AGMO: variants seen among roughly 807,000 people sequenced by gnomAD.
The protein encoded by AGMO is alkylglycerol monooxygenase.
AGMO carries 75 observed loss-of-function variants against 60.2 expected under a neutral mutation model. The observed-to-expected ratio is 1.25, with a 90% CI of 1.03 to 1.51. The LOEUF is 1.51. Among genes scored for constraint, AGMO ranks in the 40% most tolerant of loss-of-function variants. The pLI is 0.00. For synonymous variants in AGMO, 261 were observed against 177.1 expected, an observed-to-expected ratio of 1.47 and a Z score of -3.76; for missense variants, 763 against 525.5, an observed-to-expected ratio of 1.45 and a Z score of -4.42.
chr7:15,153,728 T>C, the AGMO span, among the ~76,000 whole-genome samples: 3 of 152,200 alleles, frequency 2.0e-5, no homozygotes, highest in African/African-American at 4.8e-5. Context: ...CATGCTGTTT[T>C]GGTGACTATG....
chr7:15,437,280 T>C (rs1396197643), intron 3 of AGMO, among the ~76,000 whole-genome samples: 1 of 152,206 alleles, frequency 6.6e-6, no homozygotes, highest in Non-Finnish European at 1.5e-5. Flanking sequence ...TTGGTGATGA[T>C]AAAAATAAAT....
chr7:15,249,306 G>A (rs762439798), intron 12 of AGMO, among the ~76,000 whole-genome samples: 1 of 152,108 alleles, frequency 6.6e-6, no homozygotes, highest in African/African-American at 2.4e-5. Context: ...GTAGCTGACA[G>A]AATATAGCCT....
At chr7:15,148,039 T>G in the AGMO span, among the ~76,000 whole-genome samples, 9 of 152,268 alleles carry the variant, frequency 5.9e-5, no homozygotes, top group East Asian at 1.7e-3. Flanking sequence ...AGTGGTAAAG[T>G]GTATTAGAAG....
At chr7:15,331,818 C>G (rs1404898554) in intron 12 of AGMO, among the ~76,000 whole-genome samples, 2 of 151,838 alleles carry the variant, frequency 1.3e-5, no homozygotes, top group Admixed American at 6.6e-5. Context: ...CACAGCTACT[C>G]AGGAGGCTGA....
At chr7:15,354,314 GCGTGTATATACGT>G (rs1782371277) in intron 12 of AGMO, among the ~76,000 whole-genome samples, 1 of 64,762 alleles carries the variant, frequency 1.5e-5, no homozygotes, top group Admixed American at 1.3e-4. Flanking sequence ...GTGTATACAC[GCGTGTATATACGT>G]ACGCGTGTAT....
intron 12 of AGMO, among the ~76,000 whole-genome samples, chr7:15,230,247 G>C (rs1325162281): frequency 1.3e-5 from 2 of 152,100 alleles, no homozygotes; most frequent in Non-Finnish European, 2.9e-5. Flanking sequence ...GAGGAAACCA[G>C]ACAAAAGCCC....
chr7:15,201,845 A>G (rs1179928121), intron 12 of AGMO, among the ~76,000 whole-genome samples: 1 of 152,134 alleles, frequency 6.6e-6, no homozygotes. Flanking sequence ...CTGATGATTT[A>G]CCTCCTCAGT....
the AGMO span, among the ~76,000 whole-genome samples, chr7:15,176,032 T>C: frequency 6.6e-6 from 1 of 151,794 alleles, no homozygotes; most frequent in Non-Finnish European, 1.5e-5. Context: ...CGATGTAATG[T>C]TGTTGGGAGC....
intron 3 of AGMO, among the ~76,000 whole-genome samples, chr7:15,481,947 T>A (rs1014116912): frequency 6.6e-6 from 1 of 151,966 alleles, no homozygotes; most frequent in Non-Finnish European, 1.5e-5. Flanking sequence ...AGCAATGTAG[T>A]TGTAAATAAC....
chr7:15,178,052 C>T, the AGMO span, among the ~76,000 whole-genome samples: 1 of 152,102 alleles, frequency 6.6e-6, no homozygotes, highest in Non-Finnish European at 1.5e-5. Context: ...CCCTCCTCAG[C>T]CTGCAGAACT....
rs73679475 is a variant in AGMO at position 15,335,260 on chromosome 7, A to G, written c.1263+30254T>C. 4.8e-3 allele frequency among the ~76,000 whole-genome samples: 725 copies of G among 152,146 alleles called. 3 individuals carry two copies. The highest frequency in any genetic ancestry group is 0.017 in the African/African-American group (694 of 41,454). ...GAATTCATGCATTTAGCTATTGTTAATGAATAGGAAGTTTTCTGTAAATTT... is the reference window on the plus strand; with the variant it reads ...GAATTCATGCATTTAGCTATTGTTAGTGAATAGGAAGTTTTCTGTAAATTT... On this transcript the variant is annotated intron_variant, in intron 12 of 12. Transcript: ENST00000342526.
At chr7:15,267,267 T>C (rs758336411) in intron 12 of AGMO, among the ~76,000 whole-genome samples, 1 of 151,980 alleles carries the variant, frequency 6.6e-6, no homozygotes, top group Non-Finnish European at 1.5e-5. Context: ...AAATATACTA[T>C]GTATAATTAT....
intron 3 of AGMO, among the ~76,000 whole-genome samples, chr7:15,528,176 C>A (rs985844538): frequency 6.6e-6 from 1 of 151,960 alleles, no homozygotes; most frequent in African/African-American, 2.4e-5. Flanking sequence ...TTATTGAAGG[C>A]CCTGATGATC....
chr7:15,445,943 C>T (rs1026506551), intron 3 of AGMO, among the ~76,000 whole-genome samples: 1 of 151,886 alleles, frequency 6.6e-6, no homozygotes, highest in African/African-American at 2.4e-5. Context: ...GAAAAAAAAT[C>T]GTAATTGAAA....
intron 3 of AGMO, among the ~76,000 whole-genome samples, chr7:15,459,599 T>TTGTGTGTGTGTGTG (rs754526222): frequency 0.014 from 1,942 of 142,224 alleles, 47 homozygotes; most frequent in East Asian, 0.06. Flanking sequence ...GTATGTGCGT[T>TTGTGTGTGTGTGTG]TGTGTGTGTG....
chr7:15,534,854 C>T (rs964656120), intron 3 of AGMO, among the ~76,000 whole-genome samples: 7 of 151,594 alleles, frequency 4.6e-5, no homozygotes, highest in African/African-American at 9.7e-5. Flanking sequence ...CTTATAACTA[C>T]CAATGTATTT....
intron 12 of AGMO, among the ~76,000 whole-genome samples, chr7:15,329,037 C>A (rs1030531022): frequency 1.3e-5 from 2 of 152,154 alleles, no homozygotes; most frequent in Non-Finnish European, 2.9e-5. Flanking sequence ...ACACATACAT[C>A]CTTCACTATC....
chr7:15,184,059 T>A, the AGMO span, among the ~76,000 whole-genome samples: 4 of 152,172 alleles, frequency 2.6e-5, no homozygotes, highest in Admixed American at 6.6e-5. Flanking sequence ...TTTAATTTAA[T>A]CTCTTCATCT....
chr7:15,149,037 ATT>A, the AGMO span, among the ~76,000 whole-genome samples: 1 of 152,142 alleles, frequency 6.6e-6, no homozygotes, highest in African/African-American at 2.4e-5. Flanking sequence ...ATAGTATCTT[ATT>A]GTGATTTTGA....
Sources: allele counts gnomAD v4.1 joint callset (sites outside exome capture counted in the v4.1 genomes callset), GRCh38; gene constraint gnomAD v4.1.1; transcripts MANE v1.5; gene names NCBI Gene and HGNC (gene_info 2026-07-23, HGNC 2026-07-21).